The following STAU2 variants were observed in gnomAD, a reference collection of about 807,000 sequenced individuals.
STAU2 encodes double-stranded RNA-binding protein Staufen homolog 2.
A neutral mutation model predicts 65.9 loss-of-function variants in STAU2; 20 were observed. That is an observed-to-expected ratio of 0.30 (90% CI 0.21 to 0.44). The LOEUF (loss-of-function observed/expected upper bound fraction) is 0.44, where lower values mean the gene tolerates loss of function less well. Ranked by LOEUF, STAU2 falls within the 20% of genes least tolerant of loss-of-function variation. STAU2 has a pLI of 1.00. For missense variants in STAU2, 558 were observed against 683.9 expected, an observed-to-expected ratio of 0.82 and a Z score of 2.05; for synonymous variants, 232 against 233.9, an observed-to-expected ratio of 0.99 and a Z score of 0.07.
chr8:73,688,864 TAA>T (rs1282984497), intron 4 of STAU2, 51 bp from the exon 5 acceptor site: 3 of 1,583,162 alleles, frequency 1.9e-6, no homozygotes, highest in Admixed American at 1.8e-5. Context: ...TTCCAAGAAA[TAA>T]AATTGGCTGT....
At chr8:73,522,438 C>T (rs943881058) in intron 13 of STAU2, among the ~76,000 whole-genome samples, 1 of 152,082 alleles carries the variant, frequency 6.6e-6, no homozygotes, top group African/African-American at 2.4e-5. Context: ...ATAGGATATG[C>T]TGAAGAATAT....
intron 6 of STAU2, among the ~76,000 whole-genome samples, chr8:73,661,703 ATGTATC>A (rs1816845815): frequency 6.6e-6 from 1 of 152,202 alleles, no homozygotes; most frequent in African/African-American, 2.4e-5. Context: ...TACCTACACT[ATGTATC>A]TGTCCTGTCT....
chr8:73,577,292 G>C (rs1213842395), intron 12 of STAU2, among the ~76,000 whole-genome samples: 1 of 151,920 alleles, frequency 6.6e-6, no homozygotes, highest in Non-Finnish European at 1.5e-5. Context: ...GCCGGGCGTG[G>C]TGGCAGGCGC....
intron 4 of STAU2, among the ~76,000 whole-genome samples, chr8:73,707,711 A>G (rs1820612469): frequency 6.6e-6 from 1 of 152,176 alleles, no homozygotes; most frequent in East Asian, 1.9e-4. Context: ...GGGACCAAGA[A>G]ATGTAAACGA....
intron 6 of STAU2, among the ~76,000 whole-genome samples, chr8:73,638,170 G>T (rs951667244): frequency 2.0e-4 from 31 of 151,828 alleles, no homozygotes; most frequent in Non-Finnish European, 1.3e-4. Flanking sequence ...GGGTGGCATA[G>T]TATTTACATT....
intron 13 of STAU2, among the ~76,000 whole-genome samples, chr8:73,500,477 T>C (rs1172053468): frequency 6.6e-6 from 1 of 151,874 alleles, no homozygotes; most frequent in Non-Finnish European, 1.5e-5. Context: ...TTATCCCTAG[T>C]ATTAAGTTAC....
chr8:73,490,177 C>T (rs937574435), intron 13 of STAU2, among the ~76,000 whole-genome samples: 2 of 151,950 alleles, frequency 1.3e-5, no homozygotes, highest in Non-Finnish European at 2.9e-5. Context: ...GATGGATGTT[C>T]GTGTAAATGA....
intron 6 of STAU2, among the ~76,000 whole-genome samples, chr8:73,663,999 C>T (rs1817042055): frequency 6.6e-6 from 1 of 152,082 alleles, no homozygotes; most frequent in South Asian, 2.1e-4. Flanking sequence ...TTCCAATATT[C>T]CCCCATTTGT....
At chr8:73,430,288 T>C (rs2128882268) in intron 13 of STAU2, among the ~76,000 whole-genome samples, 1 of 152,242 alleles carries the variant, frequency 6.6e-6, no homozygotes, top group South Asian at 2.1e-4. Context: ...GGTGAAGGGT[T>C]TAACTGTGAT....
chr8:73,515,079 C>G (rs1822630970), intron 13 of STAU2, among the ~76,000 whole-genome samples: 1 of 152,060 alleles, frequency 6.6e-6, no homozygotes, highest in South Asian at 2.1e-4. Context: ...AAGACCTTAA[C>G]TCTTACATAT....
intron 11 of STAU2, among the ~76,000 whole-genome samples, chr8:73,583,494 G>C (rs1810142302): frequency 6.6e-6 from 1 of 151,958 alleles, no homozygotes; most frequent in African/African-American, 2.4e-5. Context: ...CACCACAAAT[G>C]CTTAAGTGAC....
chr8:73,437,462 A>G (rs1040559943), intron 13 of STAU2, among the ~76,000 whole-genome samples: 3 of 152,178 alleles, frequency 2.0e-5, no homozygotes, highest in Non-Finnish European at 4.4e-5. Flanking sequence ...TGGAAAGGCA[A>G]GGAAACGGCT....
intron 5 of STAU2, among the ~76,000 whole-genome samples, chr8:73,676,543 A>G (rs1176675177): frequency 6.6e-6 from 1 of 152,166 alleles, no homozygotes; most frequent in Non-Finnish European, 1.5e-5. Flanking sequence ...CGCTAACTAT[A>G]AAGGAAAAGA....
chr8:73,453,374 C>G lies in STAU2; in HGVS notation c.1531-30672G>C, dbSNP rs984639561. Among the ~76,000 whole-genome samples the G allele has an allele frequency of 3.3e-5, 5 of 152,198 alleles. 1 individual carries two copies. Among genetic ancestry groups the G allele is most frequent in the Admixed American group, 1.3e-4 (2 of 15,286 alleles). On this transcript the variant is annotated intron_variant, in intron 13 of 14. Transcript: ENST00000524300. ...AACTGGCAATTATTAATCCCAAACA[C>G]GTGAATTTGAGTAAGAATGTAAAAG...
chr8:73,715,451 C>CAAAA (rs35959123), intron 3 of STAU2, among the ~76,000 whole-genome samples: 2 of 123,818 alleles, frequency 1.6e-5, no homozygotes, highest in Non-Finnish European at 3.3e-5. Flanking sequence ...GTGAGACTGT[C>CAAAA]AAAAAAAAAA....
Position 73,692,017 on chromosome 8 carries a change from G to T in STAU2, c.115-3204C>A, listed in dbSNP as rs372574651. Among the ~76,000 whole-genome samples the T allele has an allele frequency of 3.0e-4, 46 of 152,216 alleles. No homozygotes were observed. In the East Asian group the frequency reaches 5.8e-3, roughly 19 times the overall value. On this transcript the variant is annotated intron_variant, in intron 4 of 14. Coordinates refer to ENST00000524300, the MANE Select transcript of STAU2 (RefSeq NM_001164380.2). ...CCTATCCACCACGGAGGAAAGAGGG[G>T]CTGGAGACTGAGTTAATAATCGATC...
chr8:73,438,765 C>G (rs570723251), intron 13 of STAU2, among the ~76,000 whole-genome samples: 1 of 152,294 alleles, frequency 6.6e-6, no homozygotes, highest in African/African-American at 2.4e-5. Context: ...CTTTCAGGCT[C>G]CCTGATACTC....
rs1348880242 is a variant in STAU2, at chr8:73,713,021, C to T, written c.-17-3859G>A. Reference sequence around the variant, plus strand: ...ATTATTTTTTCCACTGACTTATAAACCCATAAGTTCGTTTCCACTGAAAAA... The same window carrying T: ...ATTATTTTTTCCACTGACTTATAAATCCATAAGTTCGTTTCCACTGAAAAA... On this transcript the variant is annotated intron_variant, in intron 3 of 14. Transcript: ENST00000524300. 2.6e-5 allele frequency among the ~76,000 whole-genome samples: 4 copies of T among 152,212 alleles called. No homozygotes were observed. The East Asian group carries it at 5.8e-4, about 22-fold the overall frequency.
intron 3 of STAU2, among the ~76,000 whole-genome samples, chr8:73,713,053 A>T (rs1821006060): frequency 6.6e-6 from 1 of 152,214 alleles, no homozygotes. Flanking sequence ...AAAATTCTCA[A>T]ATATGATATA....
Sources: allele counts gnomAD v4.1 joint callset (sites outside exome capture counted in the v4.1 genomes callset), GRCh38; gene constraint gnomAD v4.1.1; transcripts MANE v1.5; gene names NCBI Gene and HGNC (gene_info 2026-07-23, HGNC 2026-07-21).